Variants in CLCN4 observed in about 807,000 individuals in gnomAD.
CLCN4 encodes the protein Cl-/H+ antiporter 4, also known as H(+)/Cl(-) exchange transporter 4.
A neutral mutation model predicts 41.7 loss-of-function variants in CLCN4; 1 was observed. The ratio of observed to expected loss-of-function variants is 0.02; its 90% confidence interval spans 0.01 to 0.11. The LOEUF is 0.11. Among genes scored for constraint, CLCN4 ranks in the 10% least tolerant of loss-of-function variants. The pLI is 1.00. For synonymous variants in CLCN4, 277 were observed against 285.8 expected (o/e 0.97, Z 0.31); for missense variants, 287 against 661.0 (o/e 0.43, Z 6.20).
chrX:10,224,349 TGTTATA>T (rs1364356428), intron 12 of CLCN4, among the ~76,000 whole-genome samples: 1 of 107,928 alleles, frequency 9.3e-6, no homozygotes, highest in Non-Finnish European at 1.9e-5. Context: ...AGTGTGTGTG[TGTTATA>T]GTTATCATCA....
At chrX:10,230,112 T>A (rs1306933752) in intron 12 of CLCN4, among the ~76,000 whole-genome samples, 2 of 112,435 alleles carry the variant, frequency 1.8e-5, no homozygotes, top group Admixed American at 1.9e-4. Flanking sequence ...ATTATTAGAT[T>A]TTTCCCTATA....
intron 2 of CLCN4, among the ~76,000 whole-genome samples, chrX:10,175,656 T>C (rs2147162620): frequency 8.9e-6 from 1 of 111,959 alleles, no homozygotes; most frequent in African/African-American, 3.2e-5. Flanking sequence ...TCTGGCTGTG[T>C]GTTCTAGAAT....
chrX:10,202,628 G>C (rs1049422693), intron 6 of CLCN4, among the ~76,000 whole-genome samples: 3 of 68,253 alleles, frequency 4.4e-5, no homozygotes, highest in African/African-American at 1.2e-4. Context: ...GACAGAGCCA[G>C]ACCCTGCCTC....
chrX:10,208,080 G>A lies in CLCN4; in HGVS notation c.879G>A (p.Arg293=), dbSNP rs753446122. The part of the protein sequence containing the change: ...SYYFPLKTLW[R]SFFAALVAAF... The stretch of plus-strand genomic sequence containing the variant: ...ACTTTCCCCTGAAGACCTTGTGGAG[G>A]TCATTTTTCGCAGCCCTGGTGGCGG... The change falls in exon 9 of 13, where the codon AGG becomes AGA. Residue 293 remains arginine (R), a synonymous_variant. Transcript: ENST00000380833. The A allele has an allele frequency of 3.3e-6, 4 of 1,209,431 alleles. No individual in the cohort carries two copies. The highest frequency in any genetic ancestry group is 4.5e-6 in the Non-Finnish European group (4 of 894,770).
At chrX:10,230,231 G>T (rs190049437) in intron 12 of CLCN4, among the ~76,000 whole-genome samples, 54 of 111,415 alleles carry the variant, frequency 4.8e-4, no homozygotes, top group Admixed American at 7.6e-4. Context: ...TGTTGATTGG[G>T]AAACCTTTAT....
chrX:10,176,894 G>T (rs764969866), intron 2 of CLCN4, among the ~76,000 whole-genome samples: 7 of 112,016 alleles, frequency 6.2e-5, no homozygotes, highest in Non-Finnish European at 1.1e-4. Context: ...TTTATGGACG[G>T]TGTAAATACT....
At chrX:10,194,180 T>A (rs1406290935) in intron 4 of CLCN4, among the ~76,000 whole-genome samples, 3 of 109,718 alleles carry the variant, frequency 2.7e-5, no homozygotes, top group Non-Finnish European at 3.8e-5. Context: ...GCAGAACCGA[T>A]CCTGTAATAA....
chrX:10,201,884 G>T (rs1394683212), intron 6 of CLCN4, among the ~76,000 whole-genome samples: 1 of 111,865 alleles, frequency 8.9e-6, no homozygotes, highest in African/African-American at 3.3e-5. Flanking sequence ...GAGGTGGGAG[G>T]ATTGCTTGAG....
intron 11 of CLCN4, among the ~76,000 whole-genome samples, chrX:10,218,313 C>G: frequency 9.0e-6 from 1 of 111,551 alleles, no homozygotes; most frequent in Non-Finnish European, 1.9e-5. Context: ...TCCTTTTTGT[C>G]TTTTAGGTCT....
chrX:10,189,080 G>C (rs1923888547), intron 4 of CLCN4, among the ~76,000 whole-genome samples: 1 of 112,208 alleles, frequency 8.9e-6, no homozygotes, highest in Non-Finnish European at 1.9e-5. Context: ...GACCAATTTT[G>C]CTTGACTGCT....
intron 11 of CLCN4, among the ~76,000 whole-genome samples, chrX:10,219,314 G>A (rs1365123069): frequency 8.9e-6 from 1 of 112,121 alleles, no homozygotes; most frequent in African/African-American, 3.2e-5. Context: ...TAAGAGAATC[G>A]GCTGGTCTAT....
rs760315418 is a variant in CLCN4, at chrX:10,191,692, A to ATTTTTTTTTTTTTTTTTTT, written c.245-3209_245-3191dup. ...AGGCGCGTGCCACCATATCTGGTTA[A>ATTTTTTTTTTTTTTTTTTT]TTTTTTTTTTTTTTTTTTTTTTTTT... On this transcript the variant is annotated intron_variant, in intron 4 of 12. Coordinates refer to ENST00000380833, the MANE Select transcript of CLCN4 (RefSeq NM_001830.4). Among the ~76,000 whole-genome samples, 9 of 49,770 alleles carry ATTTTTTTTTTTTTTTTTTT rather than the reference A, an allele frequency of 1.8e-4. 2 individuals carry two copies. Among genetic ancestry groups the ATTTTTTTTTTTTTTTTTTT allele is most frequent in the African/African-American group, 8.3e-4 (9 of 10,846 alleles). The allele number at this position is 49,770 out of a possible 115,157, so 43.2% of individuals were successfully genotyped here.
At chrX:10,186,185 G>C (rs1405120180) in intron 3 of CLCN4, among the ~76,000 whole-genome samples, 1 of 110,744 alleles carries the variant, frequency 9.0e-6, no homozygotes, top group African/African-American at 3.3e-5. Context: ...GCGTTGGTTT[G>C]AGCTGCGCTG....
intron 11 of CLCN4, among the ~76,000 whole-genome samples, chrX:10,218,469 G>A (rs55885942): frequency 0.02 from 2,233 of 111,802 alleles, 40 homozygotes; most frequent in Non-Finnish European, 0.028. Context: ...CTTTCACACA[G>A]GAAATATTTC....
At chrX:10,164,663 G>A in intron 2 of CLCN4, among the ~76,000 whole-genome samples, 1 of 111,591 alleles carries the variant, frequency 9.0e-6, no homozygotes, top group Middle Eastern at 4.6e-3. Context: ...GTGCCAGAGT[G>A]GGCCCTTGGT....
chrX:10,216,912 T>C (rs796194423), intron 11 of CLCN4, among the ~76,000 whole-genome samples: 40 of 19,771 alleles, frequency 2.0e-3, no homozygotes, highest in East Asian at 0.045. Flanking sequence ...TATATATATA[T>C]ATATATACAC....
At chrX:10,168,460 G>A (rs1020933606) in intron 2 of CLCN4, among the ~76,000 whole-genome samples, 5 of 112,052 alleles carry the variant, frequency 4.5e-5, no homozygotes, top group African/African-American at 1.6e-4. Flanking sequence ...TCAGTGGGAG[G>A]TCATTTTTGC....
At chrX:10,217,139 C>T (rs771266990) in intron 11 of CLCN4, among the ~76,000 whole-genome samples, 1 of 108,138 alleles carries the variant, frequency 9.2e-6, no homozygotes, top group East Asian at 2.9e-4. Context: ...CTCGCTGTTT[C>T]ACCCAGGCTG....
At chrX:10,207,128 T>G (rs899964691) in intron 8 of CLCN4, among the ~76,000 whole-genome samples, 15 of 110,972 alleles carry the variant, frequency 1.4e-4, no homozygotes, top group African/African-American at 4.6e-4. Flanking sequence ...ACCATATTGG[T>G]CAGGCTGGTC....
Sources: gnomAD v4.1 joint callset for allele counts (sites outside exome capture counted in the v4.1 genomes callset) on GRCh38, gnomAD v4.1.1 for gene constraint, MANE v1.5 for transcripts, NCBI Gene and HGNC (gene_info 2026-07-23, HGNC 2026-07-21) for gene names.